KCNMA1: variants seen among roughly 807,000 people sequenced by gnomAD.
The protein encoded by KCNMA1 is potassium calcium-activated channel subfamily M alpha 1, also known as Calcium-activated potassium channel subunit alpha-1.
KCNMA1 carries 29 observed loss-of-function variants against 140.0 expected under a neutral mutation model. The observed-to-expected ratio is 0.21, with a 90% CI of 0.15 to 0.28. The LOEUF (loss-of-function observed/expected upper bound fraction) is 0.28. Among genes scored for constraint, KCNMA1 ranks in the 10% least tolerant of loss-of-function variants. The pLI, the probability that KCNMA1 is intolerant of heterozygous loss-of-function variation, is 1.00. For synonymous variants in KCNMA1, 612 were observed against 611.9 expected (o/e 1.00, Z 0.00); for missense variants, 880 against 1,602.2 (o/e 0.55, Z 7.70).
At chr10:76,908,154 G>A (rs770927072) in intron 25 of KCNMA1, among the ~76,000 whole-genome samples, 1 of 152,148 alleles carries the variant, frequency 6.6e-6, no homozygotes, top group African/African-American at 2.4e-5. Flanking sequence ...TTTGAAACTG[G>A]ATTTGCAGAA....
At chr10:77,577,295 G>A (rs570309096) in intron 1 of KCNMA1, among the ~76,000 whole-genome samples, 70 of 151,954 alleles carry the variant, frequency 4.6e-4, no homozygotes, top group Non-Finnish European at 7.9e-4. Context: ...TGATCCACTC[G>A]CCTCGGCCTC....
chr10:77,485,493 T>C (rs991412078), intron 1 of KCNMA1, among the ~76,000 whole-genome samples: 1 of 152,192 alleles, frequency 6.6e-6, no homozygotes, highest in Non-Finnish European at 1.5e-5. Context: ...AGCCGTTTCC[T>C]TTCTGTTAGC....
intron 2 of KCNMA1, among the ~76,000 whole-genome samples, chr10:77,332,086 G>A (rs2154366513): frequency 6.6e-6 from 1 of 152,210 alleles, no homozygotes; most frequent in East Asian, 1.9e-4. Context: ...TGTTACGAGG[G>A]CACAGCCCAT....
chr10:77,123,351 T>C (rs1483535126), intron 5 of KCNMA1, among the ~76,000 whole-genome samples: 2 of 152,120 alleles, frequency 1.3e-5, no homozygotes, highest in Non-Finnish European at 2.9e-5. Flanking sequence ...TCTCAAAAAA[T>C]ACATTGTTTG....
intron 1 of KCNMA1, among the ~76,000 whole-genome samples, chr10:77,496,640 C>T (rs915141224): frequency 1.3e-5 from 2 of 150,644 alleles, no homozygotes; most frequent in Non-Finnish European, 2.9e-5. Context: ...AGGTTGAGCG[C>T]CCTGTCAGAC....
At chr10:77,070,750 C>T (rs1414156801) in intron 14 of KCNMA1, among the ~76,000 whole-genome samples, 1 of 151,994 alleles carries the variant, frequency 6.6e-6, no homozygotes, top group East Asian at 1.9e-4. Context: ...TAAAACATGC[C>T]AAGGAGGGTG....
At position 77,369,567 on chromosome 10, in the gene KCNMA1, T is replaced by C. The variant is rs2094553473; in HGVS notation, c.540+34295A>G. Among the ~76,000 whole-genome samples, 4 of 152,340 alleles carry C rather than the reference T, an allele frequency of 2.6e-5. 1 individual carries two copies. Among genetic ancestry groups the C allele is most frequent in the Admixed American group, 2.6e-4 (4 of 15,302 alleles). On this transcript the variant is annotated intron_variant, in intron 2 of 27. Transcript: ENST00000286628. ...GAATCCTTTGAGGATAGAGGTTACTTCAATGAGAATTTTCAAGAAAAAATT... is the reference window on the plus strand; with the variant it reads ...GAATCCTTTGAGGATAGAGGTTACTCCAATGAGAATTTTCAAGAAAAAATT...
At chr10:76,914,779 C>T (rs2052024724) in intron 24 of KCNMA1, 157 bp downstream of exon 24, 2 of 641,740 alleles carry the variant, frequency 3.1e-6, no homozygotes, top group Admixed American at 2.3e-5. Flanking sequence ...CGGTAATCTG[C>T]CATATTTCTC....
intron 1 of KCNMA1, among the ~76,000 whole-genome samples, chr10:77,497,520 C>A (rs2042385820): frequency 6.6e-6 from 1 of 152,168 alleles, no homozygotes; most frequent in South Asian, 2.1e-4. Flanking sequence ...AGTTCCAGAA[C>A]CCCCGCAGAC....
chr10:77,315,881 A>G (rs1022505633), intron 2 of KCNMA1, among the ~76,000 whole-genome samples: 3 of 152,180 alleles, frequency 2.0e-5, no homozygotes, highest in Middle Eastern at 3.2e-3. Context: ...CCATCACCAC[A>G]TAATCATTCT....
intron 5 of KCNMA1, among the ~76,000 whole-genome samples, chr10:77,121,920 C>T (rs927254918): frequency 2.6e-5 from 4 of 152,212 alleles, no homozygotes; most frequent in South Asian, 2.1e-4. Flanking sequence ...GGTTTGTCAC[C>T]GCTTTGAGAC....
At chr10:77,170,743 T>C (rs1384703730) in intron 5 of KCNMA1, among the ~76,000 whole-genome samples, 2 of 152,192 alleles carry the variant, frequency 1.3e-5, no homozygotes, top group Non-Finnish European at 2.9e-5. Context: ...ATCAACCAAA[T>C]TGGCTCTAGA....
At chr10:77,148,233 A>G (rs970926511) in intron 5 of KCNMA1, 1 of 152,258 alleles carries the variant, frequency 6.6e-6, no homozygotes. Context: ...GAAAACCTAT[A>G]AAGCCAATTC....
intron 19 of KCNMA1, chr10:76,995,538 A>C (rs1243556469): frequency 4.2e-6 from 2 of 471,066 alleles, no homozygotes; most frequent in Non-Finnish European, 8.8e-6. Context: ...CCTTGACAAG[A>C]AAGCTCAAGT....
intron 14 of KCNMA1, among the ~76,000 whole-genome samples, chr10:77,054,092 A>T (rs1201238444): frequency 6.6e-6 from 1 of 152,192 alleles, no homozygotes; most frequent in Admixed American, 6.5e-5. Context: ...GTCCATGGGT[A>T]CTTATAGCAG....
At chr10:77,148,633 C>G (rs2250972) in intron 5 of KCNMA1, among the ~76,000 whole-genome samples, 133,462 of 152,220 alleles carry the variant, frequency 0.88, 58,564 homozygotes, top group African/African-American at 0.92. Context: ...TCAGGGGTTG[C>G]CAATTTTTTT....
intron 5 of KCNMA1, among the ~76,000 whole-genome samples, chr10:77,171,442 T>C (rs1455150251): frequency 6.8e-6 from 1 of 147,876 alleles, no homozygotes; most frequent in Non-Finnish European, 1.5e-5. Flanking sequence ...TGTGTGTGTG[T>C]TGAAGTTTCT....
chr10:76,886,590 T>C lies in KCNMA1; in HGVS notation c.*676A>G. On this transcript the variant is annotated 3_prime_UTR_variant, in exon 28 of 28. Coordinates refer to ENST00000286628, the MANE Select transcript of KCNMA1 (RefSeq NM_001161352.2). Reference sequence around the variant, plus strand: ...TCCATATTAAGGTGAGAAATGTTCATAAGAACTCCCAGAGGGAACTGGCTC... The same window carrying C: ...TCCATATTAAGGTGAGAAATGTTCACAAGAACTCCCAGAGGGAACTGGCTC... 1 of 988,306 alleles carries C rather than the reference T, an allele frequency of 1.0e-6. No individual in the cohort carries two copies. Among genetic ancestry groups the C allele is most frequent in the Non-Finnish European group, 1.2e-6 (1 of 831,830 alleles). 61.2% of individuals were successfully genotyped at this position (988,306 alleles called of 1,614,324 possible).
intron 2 of KCNMA1, among the ~76,000 whole-genome samples, chr10:77,359,140 T>G (rs950662512): frequency 3.3e-5 from 5 of 152,154 alleles, no homozygotes; most frequent in Admixed American, 6.5e-5. Context: ...TCTACCCCAT[T>G]TAACCCTGTC....
Sources: gnomAD v4.1 joint callset for allele counts (sites outside exome capture counted in the v4.1 genomes callset) on GRCh38, gnomAD v4.1.1 for gene constraint, MANE v1.5 for transcripts, NCBI Gene and HGNC (gene_info 2026-07-23, HGNC 2026-07-21) for gene names.